The following MAP3K15 variants were observed in gnomAD, a reference collection of about 807,000 sequenced individuals.
The protein encoded by MAP3K15 is mitogen-activated protein kinase kinase kinase 15, also known as MAPK/ERK kinase kinase 15.
In MAP3K15, 124 loss-of-function variants were observed where a neutral mutation model predicts 99.5. The observed-to-expected ratio is 1.25, with a 90% CI of 1.08 to 1.45. The LOEUF (loss-of-function observed/expected upper bound fraction) is 1.45. Ranked by LOEUF, MAP3K15 falls within the 40% of genes most tolerant of loss-of-function variation. The probability of loss-of-function intolerance (pLI) is 0.00; values close to 1 mark genes in which losing one functional copy is unlikely to be tolerated. For synonymous variants in MAP3K15, 494 were observed against 439.6 expected, an observed-to-expected ratio of 1.12 and a Z score of -1.55; for missense variants, 1,242 against 1,079.7, an observed-to-expected ratio of 1.15 and a Z score of -2.11.
In MAP3K15 at chrX:19,427,221, G is replaced by T. The variant is rs2063839923; in HGVS notation, c.1167-878C>A. 1.8e-5 allele frequency among the ~76,000 whole-genome samples: 2 copies of T among 109,718 alleles called. 1 individual carries two copies. Among genetic ancestry groups the T allele is most frequent in the South Asian group, 7.8e-4 (2 of 2,567 alleles). On this transcript the variant is annotated intron_variant, in intron 7 of 28. Coordinates refer to ENST00000338883, the MANE Select transcript of MAP3K15 (RefSeq NM_001001671.4). ...GGAGTGCAATGGCACAATCATAGCT[G>T]CAGCCTTGAACCCCTGGGCTCAAGC...
At chrX:19,378,537 AACTC>A (rs917440784) in intron 19 of MAP3K15, among the ~76,000 whole-genome samples, 3 of 111,534 alleles carry the variant, frequency 2.7e-5, no homozygotes, top group Non-Finnish European at 5.7e-5. Context: ...ATCTCGTGAG[AACTC>A]ACTATCAGAA....
chrX:19,377,735 C>G (rs766697289), intron 19 of MAP3K15, among the ~76,000 whole-genome samples: 1 of 111,821 alleles, frequency 8.9e-6, no homozygotes, highest in Admixed American at 9.5e-5. Flanking sequence ...TTCCTCGTCA[C>G]CAGCTGCTGT....
Position 19,360,303 on chromosome X carries a change from T to A in MAP3K15, c.*446A>T. The A allele has an allele frequency of 7.0e-6, 1 of 143,396 alleles. No individual in the cohort carries two copies. Among genetic ancestry groups the A allele is most frequent in the Non-Finnish European group, 1.4e-5 (1 of 73,250 alleles). The allele number at this position is 143,396 out of a possible 1,213,427, so 11.8% of individuals were successfully genotyped here. On this transcript the variant is annotated 3_prime_UTR_variant, in exon 29 of 29. Coordinates refer to ENST00000338883, the MANE Select transcript of MAP3K15 (RefSeq NM_001001671.4). The stretch of plus-strand genomic sequence containing the variant: ...CCAGTTCTGAGGCAGTGTCCCAGCT[T>A]CCATGTTTGTTAAATACCCCTTGTT...
chrX:19,449,559 A>C (rs1177593485), intron 6 of MAP3K15, among the ~76,000 whole-genome samples: 1 of 108,757 alleles, frequency 9.2e-6, no homozygotes, highest in Non-Finnish European at 1.9e-5. Flanking sequence ...TCTAGTGGGT[A>C]AAGACGAGGG....
At chrX:19,459,804 C>T (rs774909141) in intron 5 of MAP3K15, among the ~76,000 whole-genome samples, 181 bp downstream of exon 5, 6 of 111,889 alleles carry the variant, frequency 5.4e-5, no homozygotes, top group Non-Finnish European at 7.5e-5. Flanking sequence ...GAGCCGAGAT[C>T]GCACCATTGC....
intron 6 of MAP3K15, among the ~76,000 whole-genome samples, chrX:19,445,928 C>T (rs769328751): frequency 1.0e-5 from 1 of 98,331 alleles, no homozygotes; most frequent in Non-Finnish European, 2.0e-5. Context: ...GCCTGGGCGA[C>T]AAGAGCGAAA....
intron 4 of MAP3K15, among the ~76,000 whole-genome samples, chrX:19,461,557 T>C (rs1446802682): frequency 1.8e-5 from 2 of 112,588 alleles, no homozygotes; most frequent in East Asian, 2.8e-4. Flanking sequence ...GTTTAAAACC[T>C]TGAAAAATGA....
intron 6 of MAP3K15, among the ~76,000 whole-genome samples, chrX:19,436,152 G>A (rs2063919895): frequency 2.4e-5 from 2 of 83,305 alleles, no homozygotes; most frequent in Non-Finnish European, 4.1e-5. Flanking sequence ...GAAACGCCAT[G>A]TCAAAAAAAA....
At chrX:19,443,124 C>T (rs1190391590) in intron 6 of MAP3K15, among the ~76,000 whole-genome samples, 2 of 103,748 alleles carry the variant, frequency 1.9e-5, no homozygotes, top group East Asian at 3.0e-4. Flanking sequence ...CTTCCGCCTC[C>T]CGGGTTCAAG....
At chrX:19,494,565 A>G (rs2064388156) in intron 1 of MAP3K15, among the ~76,000 whole-genome samples, 1 of 111,692 alleles carries the variant, frequency 9.0e-6, no homozygotes, top group Non-Finnish European at 1.9e-5. Flanking sequence ...ACATAAAACT[A>G]TAATTTTCTA....
At chrX:19,398,593 A>T (rs770427204) in intron 14 of MAP3K15, among the ~76,000 whole-genome samples, 23 of 111,946 alleles carry the variant, frequency 2.1e-4, no homozygotes, top group Non-Finnish European at 3.8e-4. Context: ...CAAGAAAATT[A>T]AAAATATGGT....
chrX:19,440,626 T>C (rs773378783), intron 6 of MAP3K15, among the ~76,000 whole-genome samples: 4 of 112,683 alleles, frequency 3.5e-5, no homozygotes, highest in African/African-American at 1.3e-4. Context: ...GGCCAGGGTC[T>C]ACAGTGGGCT....
intron 25 of MAP3K15, among the ~76,000 whole-genome samples, chrX:19,364,974 C>T (rs979123978): frequency 9.3e-5 from 10 of 107,894 alleles, no homozygotes; most frequent in Non-Finnish European, 1.3e-4. Context: ...GAGGTCAAGG[C>T]GGGAGGATCA....
intron 9 of MAP3K15, 141 bp from the exon 10 acceptor site, chrX:19,415,398 G>C: frequency 5.8e-6 from 3 of 515,450 alleles, no homozygotes. Context: ...CGACTGCTCA[G>C]CAGCCACAAA....
At chrX:19,367,786 T>A (rs2063346382) in intron 25 of MAP3K15, among the ~76,000 whole-genome samples, 1 of 86,052 alleles carries the variant, frequency 1.2e-5, no homozygotes, top group Non-Finnish European at 2.2e-5. Flanking sequence ...TCTCATGCTG[T>A]CGCCCAGGCT....
chrX:19,464,906 T>G (rs1403922209), intron 3 of MAP3K15, among the ~76,000 whole-genome samples: 2 of 111,368 alleles, frequency 1.8e-5, no homozygotes, highest in African/African-American at 6.5e-5. Flanking sequence ...CTCTTCTGCT[T>G]TTTGAGACAG....
chrX:19,497,039 CAG>C (rs1426208891), intron 1 of MAP3K15: 1 of 111,288 alleles, frequency 9.0e-6, no homozygotes, highest in Non-Finnish European at 1.9e-5. Context: ...AAGGGATGTG[CAG>C]AGTTTATGAT....
intron 3 of MAP3K15, among the ~76,000 whole-genome samples, chrX:19,476,131 A>G (rs2064241314): frequency 8.9e-6 from 1 of 112,345 alleles, no homozygotes; most frequent in Non-Finnish European, 1.9e-5. Flanking sequence ...GCCTTCCAGA[A>G]AACATCTTTT....
rs1338594238 is a variant in MAP3K15, at chrX:19,392,382, C to T, written c.2286G>A (p.Lys762=). 1 of 1,210,178 alleles carries T rather than the reference C, an allele frequency of 8.3e-7. No homozygotes were observed. Among genetic ancestry groups the T allele is most frequent in the South Asian group, 1.8e-5 (1 of 56,776 alleles). The change falls in exon 17 of 29, where the codon AAG becomes AAA. Residue 762 remains lysine, a synonymous_variant. Coordinates refer to ENST00000338883, the MANE Select transcript of MAP3K15 (RefSeq NM_001001671.4). The part of the protein sequence containing the change: ...FYTKQILEGL[K]YLHENQIVHR... ...GCACGATCTGGTTTTCATGAAGATA[C>T]TTAAGGCCCTCCAGGATCTGTTTGG...
Sources: gnomAD v4.1 joint callset for allele counts (sites outside exome capture counted in the v4.1 genomes callset) on GRCh38, gnomAD v4.1.1 for gene constraint, MANE v1.5 for transcripts, NCBI Gene and HGNC (gene_info 2026-07-23, HGNC 2026-07-21) for gene names.